The following PRKD1 variants were observed in gnomAD, a reference collection of about 807,000 sequenced individuals.
PRKD1 encodes serine/threonine-protein kinase D1.
A neutral mutation model predicts 95.9 loss-of-function variants in PRKD1; 63 were observed. That is an observed-to-expected ratio of 0.66 (90% CI 0.54 to 0.81). PRKD1 has a LOEUF of 0.81. Ranked by LOEUF, PRKD1 falls within the 30% of genes least tolerant of loss-of-function variation. The pLI is 0.00. For missense variants in PRKD1, 1,048 were observed against 1,165.3 expected, an observed-to-expected ratio of 0.90 and a Z score of 1.47; for synonymous variants, 425 against 423.1, an observed-to-expected ratio of 1.00 and a Z score of -0.05.
intron 4 of PRKD1, among the ~76,000 whole-genome samples, chr14:29,663,301 A>G (rs976224915): frequency 6.6e-6 from 1 of 151,810 alleles, no homozygotes; most frequent in Non-Finnish European, 1.5e-5. Flanking sequence ...GTTTCACAAG[A>G]GCAAATTTCA....
intron 13 of PRKD1, among the ~76,000 whole-genome samples, chr14:29,612,955 G>A (rs945068497): frequency 2.6e-5 from 4 of 152,076 alleles, no homozygotes; most frequent in African/African-American, 7.2e-5. Flanking sequence ...AAAATTAGCC[G>A]GGCTTGCTGG....
intron 1 of PRKD1, among the ~76,000 whole-genome samples, chr14:29,886,891 G>A (rs1250342095): frequency 2.0e-5 from 3 of 152,152 alleles, no homozygotes; most frequent in African/African-American, 7.2e-5. Flanking sequence ...AGCCTAACGA[G>A]AAAACATGAA....
chr14:29,777,857 C>T (rs1180097807), intron 1 of PRKD1, among the ~76,000 whole-genome samples: 1 of 152,200 alleles, frequency 6.6e-6, no homozygotes. Context: ...CTCAGCACCA[C>T]ATCACACTTA....
chr14:29,717,649 T>C lies in PRKD1; in HGVS notation c.403+7887A>G, dbSNP rs148053260. Among the ~76,000 whole-genome samples, 3 of 152,286 alleles carry C rather than the reference T, an allele frequency of 2.0e-5. No individual in the cohort carries two copies. In the East Asian group the frequency reaches 5.8e-4, roughly 29 times the overall value. On this transcript the variant is annotated intron_variant, in intron 2 of 17. Coordinates refer to ENST00000331968, the MANE Select transcript of PRKD1 (RefSeq NM_002742.3). ...CACTATTGTTATGTTACCATCACTA[T>C]TGTTATATTAACATCACTATTGTTA...
chr14:29,782,005 C>T (rs1889068698), intron 1 of PRKD1, among the ~76,000 whole-genome samples: 1 of 152,194 alleles, frequency 6.6e-6, no homozygotes, highest in African/African-American at 2.4e-5. Flanking sequence ...ATCCATATTA[C>T]ATGTATACCC....
intron 16 of PRKD1, among the ~76,000 whole-genome samples, chr14:29,592,416 G>C (rs1893163196): frequency 6.6e-6 from 1 of 152,068 alleles, no homozygotes; most frequent in South Asian, 2.1e-4. Context: ...TATGATGTAT[G>C]TATGTACTCT....
chr14:29,776,934 A>C (rs1888789405), intron 1 of PRKD1, among the ~76,000 whole-genome samples: 1 of 152,248 alleles, frequency 6.6e-6, no homozygotes, highest in South Asian at 2.1e-4. Context: ...CATCAGACTA[A>C]GAGCGGATCT....
At position 29,886,449 on chromosome 14, in the gene PRKD1, T is replaced by C. The variant is rs151046357; in HGVS notation, c.264+40800A>G. On this transcript the variant is annotated intron_variant, in intron 1 of 17. Coordinates refer to ENST00000331968, the MANE Select transcript of PRKD1 (RefSeq NM_002742.3). ...AGATGAAAGGAGCCAATTCCCACTC[T>C]CTCATCCTCTCTCCCCCAGCCAAAG... Among the ~76,000 whole-genome samples, 144 of 152,284 alleles carry C rather than the reference T, an allele frequency of 9.5e-4. 3 individuals are homozygous for C. The highest frequency in any genetic ancestry group is 3.3e-3 in the African/African-American group (139 of 41,562).
chr14:29,823,112 C>T (rs4424825), intron 1 of PRKD1, among the ~76,000 whole-genome samples: 111,770 of 152,028 alleles, frequency 0.74, 41,176 homozygotes, highest in Middle Eastern at 0.77. Flanking sequence ...CTGGAAATAA[C>T]TGAATATACT....
intron 4 of PRKD1, among the ~76,000 whole-genome samples, chr14:29,661,288 A>G (rs1191210374): frequency 6.6e-6 from 1 of 152,210 alleles, no homozygotes; most frequent in East Asian, 1.9e-4. Flanking sequence ...GGCCTTAATG[A>G]GCAATGCTGT....
At chr14:29,651,899 C>T (rs1019722152) in intron 4 of PRKD1, among the ~76,000 whole-genome samples, 2 of 152,114 alleles carry the variant, frequency 1.3e-5, no homozygotes, top group African/African-American at 2.4e-5. Flanking sequence ...CATGCACCAC[C>T]ATGCCCAGCT....
intron 1 of PRKD1, among the ~76,000 whole-genome samples, chr14:29,878,498 G>A (rs1028721236): frequency 6.6e-6 from 1 of 152,196 alleles, no homozygotes; most frequent in Admixed American, 6.5e-5. Context: ...CCAAAAGGGA[G>A]AAACAACCAA....
chr14:29,606,913 T>C (rs1483106126), intron 13 of PRKD1, among the ~76,000 whole-genome samples: 1 of 152,226 alleles, frequency 6.6e-6, no homozygotes, highest in African/African-American at 2.4e-5. Context: ...TGAAGACAGA[T>C]GTCCTGAGTT....
intron 4 of PRKD1, chr14:29,656,450 T>C (rs1345922291): frequency 6.6e-7 from 1 of 1,525,058 alleles, no homozygotes; most frequent in Non-Finnish European, 8.8e-7. Context: ...AGCAAATTTC[T>C]AGCACCAGGT....
chr14:29,589,215 T>G (rs193016674), intron 16 of PRKD1, among the ~76,000 whole-genome samples: 1 of 152,246 alleles, frequency 6.6e-6, no homozygotes, highest in Non-Finnish European at 1.5e-5. Context: ...AAATGTACTA[T>G]GACGCTAACA....
At chr14:29,803,616 G>C (rs905763455) in intron 1 of PRKD1, among the ~76,000 whole-genome samples, 1 of 152,138 alleles carries the variant, frequency 6.6e-6, no homozygotes, top group African/African-American at 2.4e-5. Flanking sequence ...GAGACTCTAA[G>C]AAAAGGATAA....
rs1220207703 is a variant in PRKD1 at position 29,731,024 on chromosome 14, A to G, written c.265-5350T>C. Among the ~76,000 whole-genome samples the G allele has an allele frequency of 2.0e-5, 3 of 152,312 alleles. No homozygotes were observed. The East Asian group carries it at 5.8e-4, about 29-fold the overall frequency. On this transcript the variant is annotated intron_variant, in intron 1 of 17. Coordinates refer to ENST00000331968, the MANE Select transcript of PRKD1 (RefSeq NM_002742.3). The stretch of plus-strand genomic sequence containing the variant: ...TTTAAGTGTACTTACCACAAAAAAA[A>G]GGTAAGTAAGTGAGGTATGCATATG...
chr14:29,826,812 T>TATAC (rs1566622991), intron 1 of PRKD1, among the ~76,000 whole-genome samples: 1 of 51,336 alleles, frequency 1.9e-5, no homozygotes, highest in East Asian at 5.9e-4. Flanking sequence ...CACATATATA[T>TATAC]ACACATATAT....
intron 2 of PRKD1, among the ~76,000 whole-genome samples, chr14:29,709,773 T>C (rs982832877): frequency 6.6e-6 from 1 of 152,188 alleles, no homozygotes; most frequent in African/African-American, 2.4e-5. Flanking sequence ...CTTCAATTTA[T>C]GGGATGATGC....
Sources: allele counts gnomAD v4.1 joint callset (sites outside exome capture counted in the v4.1 genomes callset), GRCh38; gene constraint gnomAD v4.1.1; transcripts MANE v1.5; gene names NCBI Gene and HGNC (gene_info 2026-07-23, HGNC 2026-07-21).